Variants in SIDT1 observed in about 807,000 individuals in gnomAD.
SIDT1 encodes the protein SID1 transmembrane family, member 1.
SIDT1 carries 101 observed loss-of-function variants against 107.5 expected under a neutral mutation model. That is an observed-to-expected ratio of 0.94 (90% CI 0.80 to 1.11). The LOEUF is 1.11. Ranked by LOEUF, SIDT1 falls within the 50% of genes least tolerant of loss-of-function variation. SIDT1 has a pLI of 0.00. For missense variants in SIDT1, 1,076 were observed against 1,058.2 expected (o/e 1.02, Z -0.23); for synonymous variants, 395 against 398.2 (o/e 0.99, Z 0.10).
chr3:113,559,988 A>G (rs1253716346), intron 1 of SIDT1, among the ~76,000 whole-genome samples: 1 of 152,138 alleles, frequency 6.6e-6, no homozygotes, highest in Admixed American at 6.6e-5. Context: ...CAAAATAGTG[A>G]TGGCAGCATA....
intron 1 of SIDT1, among the ~76,000 whole-genome samples, chr3:113,559,465 G>T (rs531484001): frequency 1.3e-5 from 2 of 150,772 alleles, no homozygotes; most frequent in African/African-American, 4.9e-5. Context: ...TTTGAGACAG[G>T]GTTTTCACTC....
chr3:113,551,811 G>T (rs1001051146), intron 1 of SIDT1, among the ~76,000 whole-genome samples: 4 of 143,712 alleles, frequency 2.8e-5, no homozygotes, highest in African/African-American at 5.5e-5. Flanking sequence ...GATCCCGGGG[G>T]TAAAGTTTTA....
At chr3:113,603,268 A>G (rs1945091214) in intron 12 of SIDT1, 118 bp downstream of exon 12, 6 of 1,062,240 alleles carry the variant, frequency 5.6e-6, no homozygotes, top group South Asian at 3.2e-5. Context: ...CAAATTTCCC[A>G]GAAGACTTAA....
At position 113,532,741 on chromosome 3, in the gene SIDT1, A is replaced by T. The variant is rs1379370300; in HGVS notation, c.-281A>T. 2.8e-6 allele frequency: 1 copy of T among 353,478 alleles called. No individual in the cohort carries two copies. Among genetic ancestry groups the T allele is most frequent in the Non-Finnish European group, 5.1e-6 (1 of 197,750 alleles). The allele number at this position is 353,478 out of a possible 1,614,324, so 21.9% of individuals were successfully genotyped here. ...GATTCTCGGCGATGAGAAACGGGGGACTTAGAAGCCGGAGGAAAATCAGCA... is the reference window on the plus strand; with the variant it reads ...GATTCTCGGCGATGAGAAACGGGGGTCTTAGAAGCCGGAGGAAAATCAGCA... On this transcript the variant is annotated 5_prime_UTR_variant, in exon 1 of 25. Transcript: ENST00000264852.
rs750694642 is a variant in SIDT1, at chr3:113,612,072, A to G, written c.1858-14A>G. The G allele has an allele frequency of 1.9e-6, 3 of 1,600,910 alleles. No homozygotes were observed. The highest frequency in any genetic ancestry group is 2.6e-6 in the Non-Finnish European group (3 of 1,168,126). On this transcript the variant is annotated splice_polypyrimidine_tract_variant and intron_variant, in intron 18 of 24. Coordinates refer to ENST00000264852, the MANE Select transcript of SIDT1 (RefSeq NM_017699.3). ...AAAACCTCAGATGAAGGTAACTTCCATCTTTACTCCTAGGTGTTTGGAAAA... is the reference window on the plus strand; with the variant it reads ...AAAACCTCAGATGAAGGTAACTTCCGTCTTTACTCCTAGGTGTTTGGAAAA...
chr3:113,630,892 AG>A (rs1389493581), downstream of SIDT1, among the ~76,000 whole-genome samples: 1 of 152,148 alleles, frequency 6.6e-6, no homozygotes, highest in Non-Finnish European at 1.5e-5. Context: ...TCTCTCCTCC[AG>A]GGGCTCTTCA....
At chr3:113,631,129 G>A (rs997077139), downstream of SIDT1, among the ~76,000 whole-genome samples, 2 of 152,174 alleles carry the variant, frequency 1.3e-5, no homozygotes, top group African/African-American at 2.4e-5. Flanking sequence ...GGGAAAGCCT[G>A]GCTGTTTATA....
rs1417781902 is a variant in SIDT1 at position 113,608,163 on chromosome 3, G to T, written c.1548G>T (p.Leu516Phe). The change falls in exon 16 of 25, where the codon TTG (leucine) becomes TTT (phenylalanine). Residue 516 changes from leucine (L) to phenylalanine (F), a missense_variant. By Grantham distance (22) the Leu-to-Phe change is conservative. Coordinates refer to ENST00000264852, the MANE Select transcript of SIDT1 (RefSeq NM_017699.3). ...GCTTCCTCTTCCTGCTGATAGTCTT[G>T]CGCCGCGACATCCTCCATCGGAGAG... ...LLGFLFLLIV[L>F]RRDILHRRAL... The T allele has an allele frequency of 6.2e-7, 1 of 1,611,886 alleles. No individual in the cohort carries two copies. Among genetic ancestry groups the T allele is most frequent in the African/African-American group, 1.3e-5 (1 of 74,752 alleles).
chr3:113,614,013 T>C (rs888786829), intron 19 of SIDT1, among the ~76,000 whole-genome samples: 3 of 152,150 alleles, frequency 2.0e-5, no homozygotes, highest in South Asian at 4.2e-4. Context: ...AGGGATACCG[T>C]GGAAACTTGG....
chr3:113,552,396 T>C (rs1940360251), intron 1 of SIDT1, among the ~76,000 whole-genome samples: 1 of 152,086 alleles, frequency 6.6e-6, no homozygotes, highest in Non-Finnish European at 1.5e-5. Context: ...CTAAAATGGC[T>C]GTGAGGTGTG....
chr3:113,627,399 T>C (rs995011859), intron 24 of SIDT1, among the ~76,000 whole-genome samples: 1 of 152,234 alleles, frequency 6.6e-6, no homozygotes, highest in African/African-American at 2.4e-5. Flanking sequence ...GTCTCTTTCA[T>C]TACCAACTAT....
rs147337795 is a variant in SIDT1 at position 113,608,672 on chromosome 3, C to T, written c.1720+136C>T. The T allele has an allele frequency of 2.6e-3, 1,817 of 691,832 alleles. 23 individuals are homozygous for T. The highest frequency in any genetic ancestry group is 0.026 in the African/African-American group (1,470 of 56,708). The allele number at this position is 691,832 out of a possible 1,614,324, so 42.9% of individuals were successfully genotyped here. A position where few individuals can be genotyped will look rare whatever the true frequency, so the allele number is the denominator to read the frequency against. ...AGCTGAAGAGATCAGAGAGGACCTC[C>T]ACACAGAGCATGACCTAATTGAGCA... On this transcript the variant is annotated intron_variant, in intron 17 of 24. Coordinates refer to ENST00000264852, the MANE Select transcript of SIDT1 (RefSeq NM_017699.3).
chr3:113,611,627 G>A (rs945875404), intron 18 of SIDT1, among the ~76,000 whole-genome samples: 1 of 152,124 alleles, frequency 6.6e-6, no homozygotes, highest in African/African-American at 2.4e-5. Flanking sequence ...GGCCTAGTTG[G>A]TTATTTTAAT....
In SIDT1 at chr3:113,621,889, G is replaced by A. The variant is rs556179342; in HGVS notation, c.2091-1538G>A. 2.0e-5 allele frequency among the ~76,000 whole-genome samples: 3 copies of A among 152,316 alleles called. No homozygotes were observed. In the East Asian group the frequency reaches 5.8e-4, roughly 29 times the overall value. ...GTACGGTCCAATACAGTAACTATTAGCACATAGATATTGCAGACTTGAAAT... is the reference window on the plus strand; with the variant it reads ...GTACGGTCCAATACAGTAACTATTAACACATAGATATTGCAGACTTGAAAT... On this transcript the variant is annotated intron_variant, in intron 21 of 24. Coordinates refer to ENST00000264852, the MANE Select transcript of SIDT1 (RefSeq NM_017699.3).
At chr3:113,583,963 A>T (rs1943555129) in intron 7 of SIDT1, among the ~76,000 whole-genome samples, 1 of 152,208 alleles carries the variant, frequency 6.6e-6, no homozygotes, top group African/African-American at 2.4e-5. Context: ...ACCTTGAAAA[A>T]TAGTAAGAAA....
intron 1 of SIDT1, among the ~76,000 whole-genome samples, chr3:113,550,708 T>C (rs1359177622): frequency 6.6e-6 from 1 of 152,224 alleles, no homozygotes; most frequent in East Asian, 1.9e-4. Context: ...CAAAAGACCT[T>C]TAAAAAAATT....
rs1218213396 is a variant in SIDT1 at position 113,607,012 on chromosome 3, A to T, written c.1405-29A>T. 4.1e-6 allele frequency: 6 copies of T among 1,479,206 alleles called. No individual in the cohort carries two copies. The South Asian group carries it at 6.8e-5, about 17-fold the overall frequency. 91.6% of individuals were successfully genotyped at this position (1,479,206 alleles called of 1,614,324 possible). The stretch of plus-strand genomic sequence containing the variant: ...GGCTCAGAGGACGGAGGAAAACCAC[A>T]TTTCCTCTTCTCACTCTTGATTTTA... On this transcript the variant is annotated intron_variant, in intron 14 of 24. Coordinates refer to ENST00000264852, the MANE Select transcript of SIDT1 (RefSeq NM_017699.3).
chr3:113,596,077 G>A (rs1944525495), intron 10 of SIDT1, among the ~76,000 whole-genome samples: 1 of 152,224 alleles, frequency 6.6e-6, no homozygotes, highest in South Asian at 2.1e-4. Flanking sequence ...AAGTTCGATG[G>A]AGCTCAGAGT....
At chr3:113,540,301 T>TC (rs1035708260) in intron 1 of SIDT1, among the ~76,000 whole-genome samples, 1 of 152,048 alleles carries the variant, frequency 6.6e-6, no homozygotes, top group Non-Finnish European at 1.5e-5. Flanking sequence ...TCTCATTAGG[T>TC]CCCCACCTTC....
Sources: allele counts gnomAD v4.1 joint callset (sites outside exome capture counted in the v4.1 genomes callset), GRCh38; gene constraint gnomAD v4.1.1; transcripts MANE v1.5; gene names NCBI Gene and HGNC (gene_info 2026-07-23, HGNC 2026-07-21).